The following GLIS3 variants were observed in gnomAD, a reference collection of about 807,000 sequenced individuals.
GLIS3 encodes GLIS family zinc finger 3, also known as zinc finger protein GLIS3.
A neutral mutation model predicts 78.6 loss-of-function variants in GLIS3; 53 were observed. The ratio of observed to expected loss-of-function variants is 0.67; its 90% CI spans 0.54 to 0.85. The LOEUF (loss-of-function observed/expected upper bound fraction) is 0.85, where lower values mean the gene tolerates loss of function less well. Ranked by LOEUF, GLIS3 falls within the 40% of genes least tolerant of loss-of-function variation. The pLI is 0.00. For synonymous variants in GLIS3, 684 were observed against 509.9 expected, an observed-to-expected ratio of 1.34 and a Z score of -4.60; for missense variants, 1,703 against 1,231.1, an observed-to-expected ratio of 1.38 and a Z score of -5.74.
At chr9:4,112,954 T>A (rs538126094) in intron 4 of GLIS3, among the ~76,000 whole-genome samples, 1 of 152,184 alleles carries the variant, frequency 6.6e-6, no homozygotes, top group Admixed American at 6.5e-5. Context: ...GTAACCACTA[T>A]CCTAAAATTA....
At chr9:4,195,313 G>A (rs1372529974) in intron 2 of GLIS3, among the ~76,000 whole-genome samples, 1 of 152,204 alleles carries the variant, frequency 6.6e-6, no homozygotes, top group Non-Finnish European at 1.5e-5. Flanking sequence ...GGCGCGGGTG[G>A]GAACTGGGGC....
At chr9:4,066,389 G>A (rs930602432) in intron 4 of GLIS3, among the ~76,000 whole-genome samples, 4 of 152,058 alleles carry the variant, frequency 2.6e-5, no homozygotes, top group Admixed American at 1.3e-4. Context: ...TGATAGGTAC[G>A]CCTTCTGCAG....
chr9:4,216,508 GAAAAAGAAAAAAA>G (rs1820859991), intron 2 of GLIS3, among the ~76,000 whole-genome samples: 1 of 136,414 alleles, frequency 7.3e-6, no homozygotes, highest in Non-Finnish European at 1.6e-5. Context: ...GAAAAGAAAA[GAAAAAGAAAAAAA>G]AAAAAGAAAA....
the GLIS3 span, among the ~76,000 whole-genome samples, chr9:4,461,603 C>T: frequency 6.6e-6 from 1 of 152,178 alleles, no homozygotes; most frequent in Non-Finnish European, 1.5e-5. Flanking sequence ...GGAGCTTGTT[C>T]TTCCTTGCCT....
the GLIS3 span, among the ~76,000 whole-genome samples, chr9:4,395,734 G>C: frequency 1.3e-5 from 2 of 151,638 alleles, no homozygotes. Flanking sequence ...GTTTACTACG[G>C]ACACTGAGAA....
chr9:4,422,728 G>A, the GLIS3 span, among the ~76,000 whole-genome samples: 1 of 152,188 alleles, frequency 6.6e-6, no homozygotes, highest in African/African-American at 2.4e-5. Context: ...AAGTGAAGCA[G>A]GTTAATGAGA....
the GLIS3 span, among the ~76,000 whole-genome samples, chr9:4,471,328 A>T: frequency 6.6e-6 from 1 of 152,250 alleles, no homozygotes; most frequent in Non-Finnish European, 1.5e-5. Context: ...ACAAAGCTGG[A>T]GGCATCACGT....
At chr9:4,462,990 A>G in the GLIS3 span, among the ~76,000 whole-genome samples, 1 of 152,192 alleles carries the variant, frequency 6.6e-6, no homozygotes, top group African/African-American at 2.4e-5. Context: ...CTCTGGGGGA[A>G]ATCCATGTCT....
chr9:3,845,075 G>A (rs1193246366), intron 9 of GLIS3, among the ~76,000 whole-genome samples: 1 of 151,798 alleles, frequency 6.6e-6, no homozygotes, highest in Non-Finnish European at 1.5e-5. Flanking sequence ...ATATATATGT[G>A]TGTGTGTGTG....
At chr9:3,895,637 A>G (rs568365991) in intron 7 of GLIS3, among the ~76,000 whole-genome samples, 1 of 152,330 alleles carries the variant, frequency 6.6e-6, no homozygotes, top group African/African-American at 2.4e-5. Context: ...AGTTTGTTTC[A>G]ATGAGGGAAG....
intron 2 of GLIS3, among the ~76,000 whole-genome samples, chr9:4,271,950 T>C (rs1417417979): frequency 6.6e-6 from 1 of 152,176 alleles, no homozygotes; most frequent in Non-Finnish European, 1.5e-5. Flanking sequence ...TTCATTTTCT[T>C]AATCTAATAA....
chr9:3,849,679 G>A (rs1261221944), intron 9 of GLIS3, among the ~76,000 whole-genome samples: 4 of 152,216 alleles, frequency 2.6e-5, no homozygotes, highest in Admixed American at 6.5e-5. Flanking sequence ...AGGCTGGGGC[G>A]GGTGGATCAC....
chr9:4,145,664 G>T (rs886120404), intron 2 of GLIS3, among the ~76,000 whole-genome samples: 1 of 151,970 alleles, frequency 6.6e-6, no homozygotes, highest in South Asian at 2.1e-4. Flanking sequence ...CTCTGTCAGA[G>T]GGACCTAACA....
chr9:4,434,278 G>A, the GLIS3 span, among the ~76,000 whole-genome samples: 1 of 152,154 alleles, frequency 6.6e-6, no homozygotes, highest in African/African-American at 2.4e-5. Context: ...CTCTACTGGT[G>A]TTAGTGGTAG....
chr9:3,856,494 T>C (rs1026682886), intron 8 of GLIS3, among the ~76,000 whole-genome samples: 2 of 152,228 alleles, frequency 1.3e-5, no homozygotes, highest in South Asian at 2.1e-4. Flanking sequence ...AAATTCAAAG[T>C]ACATCTTTTG....
At chr9:4,130,613 G>A (rs1277617280) in intron 2 of GLIS3, among the ~76,000 whole-genome samples, 1 of 152,242 alleles carries the variant, frequency 6.6e-6, no homozygotes, top group African/African-American at 2.4e-5. Flanking sequence ...AAGCCTGTAG[G>A]TGCACGAAAT....
intron 2 of GLIS3, among the ~76,000 whole-genome samples, chr9:4,198,139 G>A (rs867125517): frequency 2.0e-5 from 3 of 152,034 alleles, no homozygotes; most frequent in Admixed American, 6.5e-5. Context: ...TAACTCTCCA[G>A]CAATGGCCCC....
intron 2 of GLIS3, among the ~76,000 whole-genome samples, chr9:4,321,844 G>A (rs1432712952): frequency 3.9e-5 from 6 of 151,986 alleles, no homozygotes; most frequent in Admixed American, 3.9e-4. Flanking sequence ...GAGTAGCTGG[G>A]ATTATAGGTG....
chr9:4,033,149 G>T (rs1436269555), intron 4 of GLIS3, among the ~76,000 whole-genome samples: 1 of 152,114 alleles, frequency 6.6e-6, no homozygotes, highest in East Asian at 1.9e-4. Context: ...CACCACACCT[G>T]GCTGGAATTG....
Sources: allele counts gnomAD v4.1 joint callset (sites outside exome capture counted in the v4.1 genomes callset), GRCh38; gene constraint gnomAD v4.1.1; transcripts MANE v1.5; gene names NCBI Gene and HGNC (gene_info 2026-07-23, HGNC 2026-07-21).